TMC4: variants seen among roughly 807,000 people sequenced by gnomAD.
The protein encoded by TMC4 is transmembrane channel like 4.
TMC4 carries 70 observed loss-of-function variants against 82.0 expected under a neutral mutation model. The observed-to-expected ratio is 0.85, with a 90% CI of 0.70 to 1.04. The LOEUF (loss-of-function observed/expected upper bound fraction) is 1.04, where lower values mean the gene tolerates loss of function less well. Among genes scored for constraint, TMC4 ranks in the 50% least tolerant of loss-of-function variants. The pLI, the probability that TMC4 is intolerant of heterozygous loss-of-function variation, is 0.00. For missense variants in TMC4, 879 were observed against 899.0 expected, an observed-to-expected ratio of 0.98 and a Z score of 0.28; for synonymous variants, 446 against 406.0, an observed-to-expected ratio of 1.10 and a Z score of -1.18.
chr19:54,170,148 G>A (rs2075849370), intron 2 of TMC4, among the ~76,000 whole-genome samples: 1 of 151,996 alleles, frequency 6.6e-6, no homozygotes, highest in Non-Finnish European at 1.5e-5. Flanking sequence ...GGCAGAAGAA[G>A]CCAGCACAAA....
In TMC4 at chr19:54,161,061, T is replaced by C. The variant is rs779302889; in HGVS notation, c.1818-28A>G. On this transcript the variant is annotated intron_variant, in intron 12 of 14. Coordinates refer to ENST00000619895, the MANE Select transcript of TMC4 (RefSeq NM_144686.4). ...GAAGTCAAGACAGGCTGGGCTCACA[T>C]AGTGCCAGGAGTCTGAACACTGAAT... is the stretch of plus-strand genomic sequence containing the variant. 8 of 1,613,428 alleles carry C rather than the reference T, an allele frequency of 5.0e-6. No individual in the cohort carries two copies. The Admixed American group carries it at 1.3e-4, about 27-fold the overall frequency.
chr19:54,171,748 G>A (rs2075894296), intron 2 of TMC4, 122 bp downstream of exon 2: 2 of 830,162 alleles, frequency 2.4e-6, no homozygotes, highest in South Asian at 1.9e-5. Flanking sequence ...AGCTCTGAGC[G>A]GGGCAGAGAG....
rs764403343 is a variant in TMC4, at chr19:54,163,902, GACCATGA to G, written c.1114-22_1114-16del. Reference sequence around the variant, plus strand: ...AGGGGCATCTCCTGGGAGCGGGATGGACCATGAGTAGAGGCTTGGGGTCCTGGAGGAG... The same window carrying G: ...AGGGGCATCTCCTGGGAGCGGGATGGGTAGAGGCTTGGGGTCCTGGAGGAG... On this transcript the variant is annotated splice_polypyrimidine_tract_variant and intron_variant, in intron 7 of 14. Transcript: ENST00000619895. 5 of 1,613,600 alleles carry G rather than the reference GACCATGA, an allele frequency of 3.1e-6. No homozygotes were observed. Among genetic ancestry groups the G allele is most frequent in the Non-Finnish European group, 4.2e-6 (5 of 1,179,782 alleles).
rs765080180 is a variant in TMC4, at chr19:54,163,140, C to T, written c.1297G>A (p.Ala433Thr). 1.2e-6 allele frequency: 2 copies of T among 1,613,766 alleles called. No individual in the cohort carries two copies. Among genetic ancestry groups the T allele is most frequent in the South Asian group, 2.2e-5 (2 of 91,060 alleles). ...GAGAAGAGCAGGACCACCAGGGAGG[C>T]GAGGCGAAGAAACACGGTCCTGAAG... The part of the protein sequence containing the change: ...ILLRTVFLRL[A>T]SLVVLLFSLW... The change falls in exon 9 of 15, where the codon GCC becomes ACC. Residue 433 changes from alanine (A) to threonine (T), a missense_variant. By Grantham distance (58) the Ala-to-Thr change is moderately conservative. Coordinates refer to ENST00000619895, the MANE Select transcript of TMC4 (RefSeq NM_144686.4).
At chr19:54,169,480 G>GC (rs745846522) in intron 3 of TMC4, 32 bp downstream of exon 3, 1 of 1,588,918 alleles carries the variant, frequency 6.3e-7, no homozygotes, top group Non-Finnish European at 8.5e-7. Flanking sequence ...TCCAGGCCCT[G>GC]CCCCCAGGAC....
rs554349399 is a variant in TMC4, at chr19:54,165,575, G to C, written c.798-9C>G. 11 of 1,591,062 alleles carry C rather than the reference G, an allele frequency of 6.9e-6. No homozygotes were observed. The South Asian group carries it at 1.1e-4, about 16-fold the overall frequency. On this transcript the variant is annotated splice_polypyrimidine_tract_variant and intron_variant, in intron 5 of 14. Transcript: ENST00000619895. ...TCAGCCCAGACACCGAGCTGAGAGG[G>C]GAGACCCGGGAGACGGGAAGTGAAA...
At chr19:54,166,151 G>C (rs1489127647) in intron 5 of TMC4, among the ~76,000 whole-genome samples, 1 of 151,724 alleles carries the variant, frequency 6.6e-6, no homozygotes, top group Non-Finnish European at 1.5e-5. Flanking sequence ...GGCCGAGGGG[G>C]GAGGATCACC....
At chr19:54,165,327 G>C in intron 6 of TMC4, 92 bp downstream of exon 6, 2 of 1,354,490 alleles carry the variant, frequency 1.5e-6, no homozygotes, top group Non-Finnish European at 2.0e-6. Context: ...CATCTCTCCG[G>C]AGGCCCCATC....
Position 54,169,596 on chromosome 19 carries a change from GC to G in TMC4, c.357del (p.Arg120GlyfsTer24). ...TTCTCCTTGGACCTCCGAAGTAGCC[GC>G]GCCCATCGGTCCGTCTTAGTTCCAG... ...YGSGTKTDRW[A>X]RLLRRSKEKT... On this transcript the variant is annotated frameshift_variant, in exon 3 of 15. Coordinates refer to ENST00000619895, the MANE Select transcript of TMC4 (RefSeq NM_144686.4). LOFTEE classifies it high-confidence loss of function. 6.2e-7 allele frequency: 1 copy of G among 1,613,928 alleles called. No homozygotes were observed. The highest frequency in any genetic ancestry group is 8.5e-7 in the Non-Finnish European group (1 of 1,180,020).
intron 2 of TMC4, 44 bp from the exon 3 acceptor site, chr19:54,169,704 G>T: frequency 1.2e-6 from 2 of 1,604,886 alleles, no homozygotes; most frequent in Non-Finnish European, 1.7e-6. Context: ...CGCAGCCCCA[G>T]ACTGGGAACC....
Position 54,161,204 on chromosome 19 carries a change from C to G in TMC4, c.1743G>C (p.Ala581=), listed in dbSNP as rs2075541439. The change falls in exon 12 of 15, where the codon GCG becomes GCC. Residue 581 remains alanine (A), a synonymous_variant. Transcript: ENST00000619895. ...GAAGGACCAAGGGGAAAAAGAAATTCGCCGCGGAGGCCCGGAAGGTGCGGG... is the reference window on the plus strand; with the variant it reads ...GAAGGACCAAGGGGAAAAAGAAATTGGCCGCGGAGGCCCGGAAGGTGCGGG... The part of the protein sequence containing the change: ...PAARTFRASA[A]NFFFPLVLLL... 1 of 1,592,096 alleles carries G rather than the reference C, an allele frequency of 6.3e-7. No homozygotes were observed. Among genetic ancestry groups the G allele is most frequent in the Middle Eastern group, 1.8e-4 (1 of 5,584 alleles).
chr19:54,162,369 G>A (rs2075580507), intron 10 of TMC4, 84 bp from the exon 11 acceptor site: 2 of 735,182 alleles, frequency 2.7e-6, no homozygotes, highest in Non-Finnish European at 4.0e-6. Flanking sequence ...CCCGCCAATA[G>A]GAAGCATGCG....
chr19:54,162,406 G>A, intron 10 of TMC4, 121 bp from the exon 11 acceptor site: 2 of 748,734 alleles, frequency 2.7e-6, no homozygotes, highest in South Asian at 1.9e-5. Context: ...GGGGGGGGCG[G>A]GACTTTCAGG....
intron 5 of TMC4, among the ~76,000 whole-genome samples, chr19:54,166,240 G>A (rs540814664): frequency 1.5e-4 from 23 of 151,302 alleles, no homozygotes; most frequent in South Asian, 4.2e-4. Context: ...TTAGCCAGGC[G>A]TGGTGGTGCA....
At position 54,172,103 on chromosome 19, in the gene TMC4, T is replaced by G. The variant is rs2075910738; in HGVS notation, c.80-20A>C. On this transcript the variant is annotated intron_variant, in intron 1 of 14. Transcript: ENST00000619895. ...ATGGGCCTGGGGAGGAGCAGGGGGC[T>G]GGGAAGACCCGGGAGTCTGGGCCCT... The G allele has an allele frequency of 1.3e-6, 2 of 1,520,994 alleles. No individual in the cohort carries two copies. The highest frequency in any genetic ancestry group is 1.8e-6 in the Non-Finnish European group (2 of 1,132,032). The allele number at this position is 1,520,994 out of a possible 1,614,324, so 94.2% of individuals were successfully genotyped here.
In TMC4 at chr19:54,164,584, T is replaced by C. The variant is rs201361944; in HGVS notation, c.963A>G (p.Thr321=). Reference sequence around the variant, plus strand: ...GCACCGCAGCCTGGCGCCGCACCACTGTCTCCTCCAGCTCCACCTGAAGGC... The same window carrying C: ...GCACCGCAGCCTGGCGCCGCACCACCGTCTCCTCCAGCTCCACCTGAAGGC... ...LYELKVELEE[T]VVRRQAAVRT... Residue 321 remains threonine, a synonymous_variant, in exon 7 of 15, where the codon ACA becomes ACG. Coordinates refer to ENST00000619895, the MANE Select transcript of TMC4 (RefSeq NM_144686.4). 1 of 1,613,388 alleles carries C rather than the reference T, an allele frequency of 6.2e-7. No individual in the cohort carries two copies. The highest frequency in any genetic ancestry group is 8.5e-7 in the Non-Finnish European group (1 of 1,179,990).
intron 1 of TMC4, 86 bp downstream of exon 1, chr19:54,172,953 G>T: frequency 8.4e-7 from 1 of 1,196,360 alleles, no homozygotes; most frequent in Non-Finnish European, 1.2e-6. Context: ...AGACTCAGGA[G>T]GCCAGGCCTC....
At chr19:54,163,992 T>TTTTG (rs2075637643) in intron 7 of TMC4, 105 bp from the exon 8 acceptor site, 1 of 1,211,550 alleles carries the variant, frequency 8.3e-7, no homozygotes, top group Non-Finnish European at 1.1e-6. Context: ...TTTTTTTTTT[T>TTTTG]GAGACAGAGT....
At chr19:54,164,790 C>G in intron 6 of TMC4, 189 bp from the exon 7 acceptor site, 1 of 734,368 alleles carries the variant, frequency 1.4e-6, no homozygotes, top group Non-Finnish European at 2.2e-6. Context: ...AGCCCCGCCC[C>G]TTCGCGGCCG....
Sources: gnomAD v4.1 joint callset for allele counts (sites outside exome capture counted in the v4.1 genomes callset) on GRCh38, gnomAD v4.1.1 for gene constraint, MANE v1.5 for transcripts, NCBI Gene and HGNC (gene_info 2026-07-23, HGNC 2026-07-21) for gene names.